Variants in BRINP2 observed in about 807,000 individuals in gnomAD.
BRINP2 encodes the protein BMP/retinoic acid-inducible neural-specific protein 2.
Under a neutral mutation model 69.2 loss-of-function variants are expected in BRINP2, and 21 were observed. The observed-to-expected ratio is 0.30, with a 90% CI of 0.22 to 0.44. BRINP2 has a LOEUF of 0.44. Ranked by LOEUF, BRINP2 falls within the 20% of genes least tolerant of loss-of-function variation. The pLI is 1.00. For synonymous variants in BRINP2, 380 were observed against 394.1 expected (o/e 0.96, Z 0.42); for missense variants, 877 against 986.0 (o/e 0.89, Z 1.48).
At chr1:177,234,137 C>T (rs111254840) in intron 2 of BRINP2, among the ~76,000 whole-genome samples, 11 of 152,180 alleles carry the variant, frequency 7.2e-5, no homozygotes, top group Admixed American at 3.9e-4. Context: ...GTGTGACTTC[C>T]GGGCTCCCCA....
At chr1:177,228,997 A>T (rs770041449) in intron 1 of BRINP2, among the ~76,000 whole-genome samples, 19 of 152,192 alleles carry the variant, frequency 1.2e-4, no homozygotes, top group Non-Finnish European at 1.9e-4. Flanking sequence ...TGGTATAGAA[A>T]GATACAGCAG....
chr1:177,205,909 A>T (rs1331530680), intron 1 of BRINP2, among the ~76,000 whole-genome samples: 1 of 152,226 alleles, frequency 6.6e-6, no homozygotes, highest in African/African-American at 2.4e-5. Context: ...CCCCTCCCAT[A>T]GCGTATCAGT....
chr1:177,277,475 T>C (rs1651537343), intron 6 of BRINP2, among the ~76,000 whole-genome samples: 1 of 151,040 alleles, frequency 6.6e-6, no homozygotes. Context: ...ACACATGGGA[T>C]TTGTCTTTTT....
In BRINP2 at chr1:177,280,690, T is replaced by C. The variant is rs762202653; in HGVS notation, c.1514T>C (p.Leu505Pro). The C allele has an allele frequency of 3.1e-6, 5 of 1,614,230 alleles. No homozygotes were observed. In the South Asian group the frequency reaches 5.5e-5, roughly 18 times the overall value. ...GAGTCCCTGGAAAACTTTCTTGGGCTGGAGACAGACTTGCAGGACCTGGAG... is the reference window on the plus strand; with the variant it reads ...GAGTCCCTGGAAAACTTTCTTGGGCCGGAGACAGACTTGCAGGACCTGGAG... ...VAESLENFLG[L>P]ETDLQDLELK... The change falls in exon 8 of 8, where the codon CTG becomes CCG. Residue 505 changes from leucine (L) to proline (P), a missense_variant. Physicochemically the swap from Leu to Pro is moderately conservative, Grantham distance 98. Transcript: ENST00000361539.
At chr1:177,275,969 G>A (rs1651479722) in intron 5 of BRINP2, among the ~76,000 whole-genome samples, 1 of 152,152 alleles carries the variant, frequency 6.6e-6, no homozygotes, top group Non-Finnish European at 1.5e-5. Flanking sequence ...CTAAGCCTTG[G>A]GCTTTGATTT....
intron 6 of BRINP2, among the ~76,000 whole-genome samples, chr1:177,276,895 T>A (rs1286145606): frequency 6.6e-6 from 1 of 151,964 alleles, no homozygotes; most frequent in Non-Finnish European, 1.5e-5. Context: ...AGAGAACTGG[T>A]TTTGCATCCT....
At chr1:177,226,657 G>A (rs1218919556) in intron 1 of BRINP2, among the ~76,000 whole-genome samples, 2 of 152,218 alleles carry the variant, frequency 1.3e-5, no homozygotes, top group African/African-American at 4.8e-5. Context: ...TGGGTCCTCT[G>A]CTCAGGGTGT....
intron 1 of BRINP2, among the ~76,000 whole-genome samples, chr1:177,204,596 C>T (rs953223803): frequency 7.2e-5 from 11 of 152,084 alleles, no homozygotes; most frequent in South Asian, 2.1e-4. Flanking sequence ...CACCAATGCC[C>T]GGCTCTCTCT....
At chr1:177,253,125 C>T (rs1256155852) in intron 2 of BRINP2, among the ~76,000 whole-genome samples, 1 of 152,018 alleles carries the variant, frequency 6.6e-6, no homozygotes, top group Admixed American at 6.6e-5. Flanking sequence ...AATTTTCATG[C>T]TGTTTTCATA....
chr1:177,279,997 G>A (rs1021557683), intron 7 of BRINP2, among the ~76,000 whole-genome samples: 3 of 152,264 alleles, frequency 2.0e-5, no homozygotes, highest in African/African-American at 7.2e-5. Flanking sequence ...GGAGCAGAGA[G>A]AATAGAAAGG....
chr1:177,202,116 CG>C (rs1648932212), intron 1 of BRINP2, among the ~76,000 whole-genome samples: 1 of 151,412 alleles, frequency 6.6e-6, no homozygotes, highest in Non-Finnish European at 1.5e-5. Context: ...GTCTTGCTAG[CG>C]GTCTATCAAT....
At chr1:177,185,788 G>C (rs190634777) in intron 1 of BRINP2, among the ~76,000 whole-genome samples, 63 of 152,238 alleles carry the variant, frequency 4.1e-4, no homozygotes, top group Admixed American at 4.1e-3. Context: ...AGTGTGCCTT[G>C]AGAGCCTACC....
In BRINP2 at chr1:177,281,255, C is replaced by T. The variant is rs1001644232; in HGVS notation, c.2079C>T (p.Asp693=). The change falls in exon 8 of 8, where the codon GAC becomes GAT. Residue 693 remains aspartate (D), a synonymous_variant. Coordinates refer to ENST00000361539, the MANE Select transcript of BRINP2 (RefSeq NM_021165.4). ...TCTTTGGCTACAGCCTGCCCTTTGA[C>T]CCAGATGCTATCCGGGACTTAATTC... ...LQVFGYSLPF[D]PDAIRDLILQ... The T allele has an allele frequency of 1.7e-5, 27 of 1,614,032 alleles. No homozygotes were observed. Among genetic ancestry groups the T allele is most frequent in the Middle Eastern group, 1.6e-4 (1 of 6,084 alleles).
At chr1:177,198,157 A>G (rs1046455183) in intron 1 of BRINP2, among the ~76,000 whole-genome samples, 7 of 152,212 alleles carry the variant, frequency 4.6e-5, no homozygotes, top group African/African-American at 1.7e-4. Flanking sequence ...TATAAGATGC[A>G]TTGGGATTAA....
chr1:177,259,021 G>C (rs2102348888), intron 4 of BRINP2, among the ~76,000 whole-genome samples: 1 of 152,286 alleles, frequency 6.6e-6, no homozygotes, highest in African/African-American at 2.4e-5. Context: ...AAATGATTAG[G>C]CATAGTGAGG....
At chr1:177,204,790 T>C (rs78655074) in intron 1 of BRINP2, among the ~76,000 whole-genome samples, 2,220 of 152,306 alleles carry the variant, frequency 0.015, 46 homozygotes, top group African/African-American at 0.049. Context: ...CAACCAGTGA[T>C]AATTACAAAT....
chr1:177,201,152 C>A (rs1381257022), intron 1 of BRINP2, among the ~76,000 whole-genome samples: 6 of 151,894 alleles, frequency 4.0e-5, no homozygotes, highest in Non-Finnish European at 8.8e-5. Flanking sequence ...TCCATATACC[C>A]AAACACCACC....
chr1:177,183,527 G>T (rs1648328063), intron 1 of BRINP2, among the ~76,000 whole-genome samples: 1 of 152,074 alleles, frequency 6.6e-6, no homozygotes, highest in Non-Finnish European at 1.5e-5. Context: ...CAGGAAAAAT[G>T]GACTCATCAT....
chr1:177,196,308 C>T lies in BRINP2; in HGVS notation c.-77+24576C>T, dbSNP rs553288077. ...TGCACTGACTCGTTTAAGGAGGGGT[C>T]CAGCTATCCATGTGGCTTAAAAGGT... On this transcript the variant is annotated intron_variant, in intron 1 of 7. Coordinates refer to ENST00000361539, the MANE Select transcript of BRINP2 (RefSeq NM_021165.4). 3.7e-4 allele frequency among the ~76,000 whole-genome samples: 56 copies of T among 152,278 alleles called. 1 individual carries two copies. The South Asian group carries it at 0.012, about 32-fold the overall frequency.
Sources: gnomAD v4.1 joint callset for allele counts (sites outside exome capture counted in the v4.1 genomes callset) on GRCh38, gnomAD v4.1.1 for gene constraint, MANE v1.5 for transcripts, NCBI Gene and HGNC (gene_info 2026-07-23, HGNC 2026-07-21) for gene names.